Variants in CPS1 observed in about 807,000 individuals in gnomAD.
CPS1 encodes the protein carbamoyl-phosphate synthase [ammonia], mitochondrial.
In CPS1, 109 loss-of-function variants were observed where a neutral mutation model predicts 174.6. The ratio of observed to expected loss-of-function variants is 0.62; its 90% CI spans 0.53 to 0.73. The LOEUF (loss-of-function observed/expected upper bound fraction) is 0.73, where lower values mean the gene tolerates loss of function less well. Among genes scored for constraint, CPS1 ranks in the 30% least tolerant of loss-of-function variants. The pLI, the probability that CPS1 is intolerant of heterozygous loss-of-function variation, is 0.00. For synonymous variants in CPS1, 637 were observed against 632.0 expected (o/e 1.01, Z -0.12); for missense variants, 1,689 against 1,821.9 (o/e 0.93, Z 1.33).
chr2:210,640,972 G>A (rs750160243), intron 24 of CPS1, among the ~76,000 whole-genome samples: 2 of 152,156 alleles, frequency 1.3e-5, no homozygotes, highest in Non-Finnish European at 2.9e-5. Flanking sequence ...CCAAAATCAA[G>A]TGCCAGGAAG....
intron 21 of CPS1, 54 bp from the exon 22 acceptor site, chr2:210,637,648 G>A (rs541956658): frequency 9.4e-6 from 15 of 1,594,774 alleles, no homozygotes; most frequent in African/African-American, 6.7e-5. Context: ...ACTTGTCACC[G>A]CTTTTTATTG....
chr2:210,552,232 T>C (rs1696751069), upstream of CPS1, among the ~76,000 whole-genome samples: 1 of 151,982 alleles, frequency 6.6e-6, no homozygotes, highest in African/African-American at 2.4e-5. Flanking sequence ...CATACCTTAC[T>C]CCTTGCTTTA....
intron 1 of CPS1, among the ~76,000 whole-genome samples, chr2:210,490,666 G>C (rs72932449): frequency 0.19 from 29,648 of 152,152 alleles, 3,585 homozygotes; most frequent in Middle Eastern, 0.32. Flanking sequence ...AAGAGAGGCT[G>C]TCTTAATTCA....
At chr2:210,658,028 G>T (rs1291252505) in intron 30 of CPS1, among the ~76,000 whole-genome samples, 1 of 152,162 alleles carries the variant, frequency 6.6e-6, no homozygotes. Context: ...GCCCCCTCTT[G>T]GTATAGGGAC....
chr2:210,592,214 A>G (rs1698330281), intron 10 of CPS1, among the ~76,000 whole-genome samples: 1 of 151,996 alleles, frequency 6.6e-6, no homozygotes. Flanking sequence ...TTCACTCAGA[A>G]TATTCACCCA....
intron 33 of CPS1, among the ~76,000 whole-genome samples, chr2:210,667,816 G>A (rs1277464520): frequency 1.3e-5 from 2 of 151,968 alleles, no homozygotes; most frequent in South Asian, 2.1e-4. Flanking sequence ...ATTAACATTC[G>A]GAAACTTACC....
At chr2:210,554,619 T>A (rs532875488), upstream of CPS1, among the ~76,000 whole-genome samples, 1 of 152,062 alleles carries the variant, frequency 6.6e-6, no homozygotes, top group Admixed American at 6.6e-5. Flanking sequence ...GGACTATGAC[T>A]GATTTAAATT....
chr2:210,538,558 C>T (rs1203295312), intron 1 of CPS1, among the ~76,000 whole-genome samples: 1 of 151,910 alleles, frequency 6.6e-6, no homozygotes, highest in African/African-American at 2.4e-5. Context: ...TTGGTGTTTT[C>T]TCAGGTAATG....
chr2:210,588,739 C>T (rs967609073), intron 7 of CPS1, among the ~76,000 whole-genome samples: 1 of 152,056 alleles, frequency 6.6e-6, no homozygotes, highest in Non-Finnish European at 1.5e-5. Context: ...TACACATACA[C>T]ACACATACAC....
intron 21 of CPS1, among the ~76,000 whole-genome samples, chr2:210,625,601 T>C (rs1271307816): frequency 4.6e-5 from 7 of 152,062 alleles, no homozygotes; most frequent in Non-Finnish European, 1.5e-5. Context: ...CAATATTCTT[T>C]CCTTCAATAT....
At chr2:210,673,266 C>G (rs953548340) in intron 34 of CPS1, 7 of 152,218 alleles carry the variant, frequency 4.6e-5, no homozygotes, top group Non-Finnish European at 8.8e-5. Flanking sequence ...TACTCAGACA[C>G]TCATGTTAAT....
intron 28 of CPS1, 82 bp from the exon 29 acceptor site, chr2:210,653,934 GATACTTATA>G: frequency 3.0e-6 from 3 of 1,005,554 alleles, no homozygotes; most frequent in South Asian, 1.3e-5. Flanking sequence ...GTATTGCCCT[GATACTTATA>G]ATACTTAAAG....
rs1393524028 is a variant in CPS1, at chr2:210,608,335, A to C, written c.2193-26A>C. 5.6e-6 allele frequency: 9 copies of C among 1,608,704 alleles called. No homozygotes were observed. In the African/African-American group the frequency reaches 9.4e-5, roughly 17 times the overall value. ...TTTTCAATAATTGCTCGAAGAAAAA[A>C]AAATAAATTTGTCTTCTTTTTATAG... On this transcript the variant is annotated intron_variant, in intron 18 of 37. Transcript: ENST00000233072.
intron 1 of CPS1, among the ~76,000 whole-genome samples, chr2:210,534,881 G>A (rs1435284854): frequency 1.3e-5 from 2 of 152,152 alleles, no homozygotes; most frequent in Non-Finnish European, 2.9e-5. Context: ...ATGAGGGGAG[G>A]AGTGTCCTAT....
intron 1 of CPS1, among the ~76,000 whole-genome samples, chr2:210,536,339 G>C (rs987408350): frequency 2.2e-5 from 1 of 44,914 alleles, no homozygotes; most frequent in Non-Finnish European, 4.0e-5. Context: ...TTTTTTTTTT[G>C]AGATGGAGTC....
rs181400413 is a variant in CPS1 at position 210,493,150 on chromosome 2, T to C, written c.3+15384T>C. Among the ~76,000 whole-genome samples, 384 of 152,320 alleles carry C rather than the reference T, an allele frequency of 2.5e-3. 1 individual carries two copies. Among genetic ancestry groups the C allele is most frequent in the Non-Finnish European group, 2.4e-3 (163 of 68,014 alleles). On this transcript the variant is annotated intron_variant, in intron 1 of 38. Transcript: ENST00000430249. Reference sequence around the variant, plus strand: ...AATTTTGCTTTTCAATTCAAGTTTATGGATCCTTTGAATTTTCTCCCTGGA... The same window carrying C: ...AATTTTGCTTTTCAATTCAAGTTTACGGATCCTTTGAATTTTCTCCCTGGA...
intron 13 of CPS1, among the ~76,000 whole-genome samples, chr2:210,596,055 A>T (rs773987489): frequency 6.6e-6 from 1 of 151,834 alleles, no homozygotes; most frequent in African/African-American, 2.4e-5. Context: ...GGTGTTATAA[A>T]TTATTATCTG....
chr2:210,527,774 A>G (rs1052363763), intron 1 of CPS1, among the ~76,000 whole-genome samples: 10 of 151,878 alleles, frequency 6.6e-5, no homozygotes, highest in African/African-American at 2.4e-4. Context: ...ATTACCTAAT[A>G]TATTCTTGAC....
At position 210,576,548 on chromosome 2, in the gene CPS1, T is replaced by C. The variant is rs75312333; in HGVS notation, c.381+58T>C. 9.4e-6 allele frequency: 15 copies of C among 1,599,980 alleles called. 1 individual carries two copies. The East Asian group carries it at 3.1e-4, about 33-fold the overall frequency. On this transcript the variant is annotated intron_variant, in intron 3 of 37. Coordinates refer to ENST00000233072, the MANE Select transcript of CPS1 (RefSeq NM_001875.5). Reference sequence around the variant, plus strand: ...AATTTGAGGGAGTATAGTTGACTTATTCTTAAGAATTAGGATGGCCAAACT... The same window carrying C: ...AATTTGAGGGAGTATAGTTGACTTACTCTTAAGAATTAGGATGGCCAAACT...
Sources: allele counts gnomAD v4.1 joint callset (sites outside exome capture counted in the v4.1 genomes callset), GRCh38; gene constraint gnomAD v4.1.1; transcripts MANE v1.5; gene names NCBI Gene and HGNC (gene_info 2026-07-23, HGNC 2026-07-21).